RELN: variants seen among roughly 807,000 people sequenced by gnomAD.
RELN encodes the protein reelin.
Under a neutral mutation model 427.6 loss-of-function variants are expected in RELN, and 108 were observed. That is an observed-to-expected ratio of 0.25 (90% CI 0.22 to 0.30). The LOEUF is 0.30. RELN is among the 10% of genes least tolerant of loss of function. RELN has a pLI of 1.00. For synonymous variants in RELN, 1,524 were observed against 1,513.4 expected (o/e 1.01, Z -0.16); for missense variants, 3,715 against 4,302.8 (o/e 0.86, Z 3.82).
In RELN at chr7:103,640,462, G is replaced by T; in HGVS notation, c.2069+81C>A. Reference sequence around the variant, plus strand: ...TAAAAAGATCCCCGATCCTAAAAAAGGTTATTAAATGACTTGCGACTTCAA... The same window carrying T: ...TAAAAAGATCCCCGATCCTAAAAAATGTTATTAAATGACTTGCGACTTCAA... On this transcript the variant is annotated intron_variant, in intron 17 of 64. Transcript: ENST00000428762. The surrounding 1 kb of genome is among the most constrained non-coding windows in gnomAD (Gnocchi z 4.1). 7.2e-7 allele frequency: 1 copy of T among 1,384,070 alleles called. No individual in the cohort carries two copies. Among genetic ancestry groups the T allele is most frequent in the Non-Finnish European group, 1.0e-6 (1 of 973,570 alleles). 85.7% of individuals were successfully genotyped at this position (1,384,070 alleles called of 1,614,324 possible).
intron 46 of RELN, among the ~76,000 whole-genome samples, chr7:103,532,434 A>G (rs1450655662): frequency 6.6e-6 from 1 of 151,748 alleles, no homozygotes; most frequent in Non-Finnish European, 1.5e-5. Context: ...CATCCTGCAC[A>G]TGGAACCCTG....
chr7:103,675,136 C>T (rs1027181522), intron 11 of RELN, among the ~76,000 whole-genome samples: 1 of 152,120 alleles, frequency 6.6e-6, no homozygotes, highest in East Asian at 1.9e-4. Context: ...ATTTAGAAAA[C>T]CCCACTGTCT....
intron 51 of RELN, among the ~76,000 whole-genome samples, chr7:103,508,234 A>C (rs1829281825): frequency 6.6e-6 from 1 of 152,210 alleles, no homozygotes. Context: ...ACCACAAAAA[A>C]AGAAAATTTC....
At chr7:103,479,639 G>T (rs1828160166) in intron 63 of RELN, among the ~76,000 whole-genome samples, 1 of 152,086 alleles carries the variant, frequency 6.6e-6, no homozygotes. Context: ...ATGGTGTGGG[G>T]CTTGTCATTC....
chr7:103,604,736 A>G (rs1433705871), intron 22 of RELN, among the ~76,000 whole-genome samples: 1 of 152,180 alleles, frequency 6.6e-6, no homozygotes, highest in African/African-American at 2.4e-5. Context: ...AAAACACAGT[A>G]TCAGATTTTG....
At chr7:103,817,963 A>G (rs71558650) in intron 3 of RELN, among the ~76,000 whole-genome samples, 4 of 142,352 alleles carry the variant, frequency 2.8e-5, no homozygotes, top group Non-Finnish European at 4.7e-5. Flanking sequence ...AAAAAAAAAG[A>G]AAAGAAAAAA....
Position 103,640,480 on chromosome 7 carries a change from G to T in RELN, c.2069+63C>A. The T allele has an allele frequency of 6.5e-7, 1 of 1,528,726 alleles. No homozygotes were observed. The highest frequency in any genetic ancestry group is 9.1e-7 in the Non-Finnish European group (1 of 1,103,426). The allele number at this position is 1,528,726 out of a possible 1,614,324, so 94.7% of individuals were successfully genotyped here. A position where few individuals can be genotyped will look rare whatever the true frequency, so the allele number is the denominator to read the frequency against. ...TAAAAAAGGTTATTAAATGACTTGC[G>T]ACTTCAACACATACATTACACATCA... is the stretch of plus-strand genomic sequence containing the variant. On this transcript the variant is annotated intron_variant, in intron 17 of 64. Coordinates refer to ENST00000428762, the MANE Select transcript of RELN (RefSeq NM_005045.4). The surrounding 1 kb of genome is among the most constrained non-coding windows in gnomAD (Gnocchi z 4.1).
chr7:103,742,675 G>A (rs200669190), intron 6 of RELN, among the ~76,000 whole-genome samples: 21,091 of 152,108 alleles, frequency 0.14, 1,620 homozygotes, highest in Middle Eastern at 0.28. Context: ...AGTGATGGAA[G>A]ATGAAATGAA....
intron 12 of RELN, among the ~76,000 whole-genome samples, chr7:103,657,401 T>C (rs1029659790): frequency 3.9e-5 from 6 of 151,968 alleles, no homozygotes; most frequent in Admixed American, 1.3e-4. Context: ...TGACAATATA[T>C]ACATATAAGG....
rs544988655 is a variant in RELN, at chr7:103,925,571, A to G, written c.227-8386T>C. Among the ~76,000 whole-genome samples, 4 of 152,320 alleles carry G rather than the reference A, an allele frequency of 2.6e-5. No homozygotes were observed. The South Asian group carries it at 8.3e-4, about 32-fold the overall frequency. ...TTGTTGGCCCTGCACTCAATAAATT[A>G]TTAAAGTGATGTGAATAGGAATGTG... is the stretch of plus-strand genomic sequence containing the variant. On this transcript the variant is annotated intron_variant, in intron 1 of 64. Transcript: ENST00000428762.
At chr7:103,718,378 G>A (rs1407487159) in intron 8 of RELN, among the ~76,000 whole-genome samples, 1 of 147,844 alleles carries the variant, frequency 6.8e-6, no homozygotes, top group East Asian at 2.0e-4. Context: ...AATAAAACCC[G>A]AATGTTTAGG....
intron 1 of RELN, among the ~76,000 whole-genome samples, chr7:103,986,010 C>T (rs969253600): frequency 9.2e-5 from 14 of 151,970 alleles, no homozygotes; most frequent in African/African-American, 2.4e-4. Context: ...GTGCCCGAAA[C>T]GCACATTGCG....
chr7:103,585,025 G>C (rs1194878944), intron 28 of RELN, among the ~76,000 whole-genome samples: 1 of 151,754 alleles, frequency 6.6e-6, no homozygotes, highest in East Asian at 1.9e-4. Flanking sequence ...ATGAAAATAG[G>C]GACACAACAT....
intron 11 of RELN, among the ~76,000 whole-genome samples, chr7:103,667,082 C>T (rs1833284862): frequency 6.6e-6 from 1 of 152,144 alleles, no homozygotes; most frequent in Non-Finnish European, 1.5e-5. Context: ...CTCCCCTATC[C>T]TAGGGCTACA....
intron 20 of RELN, among the ~76,000 whole-genome samples, chr7:103,614,768 G>A (rs568779481): frequency 6.6e-6 from 1 of 152,190 alleles, no homozygotes; most frequent in Non-Finnish European, 1.5e-5. Context: ...TGATACATCT[G>A]TCATACTTCC....
At chr7:103,738,550 C>G (rs1425175070) in intron 6 of RELN, among the ~76,000 whole-genome samples, 1 of 152,010 alleles carries the variant, frequency 6.6e-6, no homozygotes, top group African/African-American at 2.4e-5. Context: ...TGCCCTTTAC[C>G]AGTCAACTCT....
intron 2 of RELN, among the ~76,000 whole-genome samples, chr7:103,865,637 G>T (rs1170218789): frequency 1.3e-5 from 2 of 152,108 alleles, no homozygotes; most frequent in Non-Finnish European, 2.9e-5. Flanking sequence ...TTAACAGAAT[G>T]AAGGATGAAA....
chr7:103,861,587 T>C (rs183213836), intron 2 of RELN, among the ~76,000 whole-genome samples: 293 of 152,288 alleles, frequency 1.9e-3, no homozygotes, highest in Middle Eastern at 0.017. Context: ...AAAAACCTGT[T>C]TACATTCCAA....
At chr7:103,757,603 G>C (rs953584935) in intron 4 of RELN, among the ~76,000 whole-genome samples, 1 of 152,190 alleles carries the variant, frequency 6.6e-6, no homozygotes, top group African/African-American at 2.4e-5. Flanking sequence ...GTGGGTTTTG[G>C]TTTTGGAGAA....
Sources: gnomAD v4.1 joint callset for allele counts (sites outside exome capture counted in the v4.1 genomes callset) on GRCh38, gnomAD v4.1.1 for gene constraint, Gnocchi (gnomAD v3.1) non-coding constraint, MANE v1.5 for transcripts, NCBI Gene and HGNC (gene_info 2026-07-23, HGNC 2026-07-21) for gene names.